C13orf42: variants seen among roughly 807,000 people sequenced by gnomAD.
The protein encoded by C13orf42 is uncharacterized protein C13orf42.
In C13orf42 at chr13:51,103,675, C is replaced by G. The variant is rs56055043; in HGVS notation, c.414+7121G>C. On this transcript the variant is annotated intron_variant, in intron 1 of 3. Transcript: ENST00000563710. ...AAGATCGCGCCACTGCATACCAGCG[C>G]GGGCCACAGTGCAAGACTCTGTCTC... Among the ~76,000 whole-genome samples the G allele has an allele frequency of 3.0e-3, 454 of 150,592 alleles. 6 individuals are homozygous for G. The highest frequency in any genetic ancestry group is 2.3e-3 in the Non-Finnish European group (158 of 67,860).
chr13:51,105,520 T>A (rs1953344233), intron 1 of C13orf42, among the ~76,000 whole-genome samples: 2 of 152,212 alleles, frequency 1.3e-5, no homozygotes, highest in Admixed American at 1.3e-4. Flanking sequence ...ATATGAGATA[T>A]TTTGAAATTC....
At position 51,085,557 on chromosome 13, in the gene C13orf42, C is replaced by T. The variant is rs542024637; in HGVS notation, c.565G>A (p.Ala189Thr). Residue 189 changes from alanine (A) to threonine (T), a missense_variant and splice_region_variant, in exon 3 of 4, where the codon GCC becomes ACC. Physicochemically the swap from Ala to Thr is moderately conservative, Grantham distance 58 (BLOSUM62 0). Transcript: ENST00000563710. ...LPNEDVDFDV[A>T]TSSREHSLHS... Reference sequence around the variant, plus strand: ...AAGCTGTGCTCCCTGGAGCTGGTGGCCACTAGAAGAGAAAAGCATGTGACC... The same window carrying T: ...AAGCTGTGCTCCCTGGAGCTGGTGGTCACTAGAAGAGAAAAGCATGTGACC... The T allele has an allele frequency of 4.8e-5, 19 of 398,836 alleles. No individual in the cohort carries two copies. The highest frequency in any genetic ancestry group is 3.7e-4 in the African/African-American group (18 of 48,744). The allele number at this position is 398,836 out of a possible 1,614,324, so 24.7% of individuals were successfully genotyped here.
chr13:51,119,149 T>C (rs1593541232), intron 1 of C13orf42, among the ~76,000 whole-genome samples: 1 of 151,494 alleles, frequency 6.6e-6, no homozygotes, highest in African/African-American at 2.4e-5. Flanking sequence ...ACAGTATGCC[T>C]GGGTGTACAG....
At chr13:51,102,832 T>C (rs9563021) in intron 1 of C13orf42, among the ~76,000 whole-genome samples, 101,237 of 152,064 alleles carry the variant, frequency 0.67, 35,389 homozygotes, top group African/African-American at 0.89. Flanking sequence ...ACAATCATGG[T>C]AGAAGATGAA....
chr13:51,093,235 C>A (rs1350406199), intron 1 of C13orf42, among the ~76,000 whole-genome samples: 1 of 152,154 alleles, frequency 6.6e-6, no homozygotes, highest in Non-Finnish European at 1.5e-5. Flanking sequence ...ATCTCTTGTT[C>A]CATAGACTTT....
intron 1 of C13orf42, among the ~76,000 whole-genome samples, chr13:51,153,038 C>A (rs533314483): frequency 2.0e-5 from 3 of 152,332 alleles, no homozygotes; most frequent in South Asian, 4.1e-4. Context: ...CCCAGCCCCA[C>A]ACACAGAAGG....
chr13:51,090,317 G>A (rs1163486381), intron 1 of C13orf42, among the ~76,000 whole-genome samples: 2 of 152,106 alleles, frequency 1.3e-5, no homozygotes, highest in African/African-American at 4.8e-5. Flanking sequence ...CATCCTCTAG[G>A]TTCCCATGGG....
At chr13:51,161,113 C>G (rs1438559448) in intron 1 of C13orf42, among the ~76,000 whole-genome samples, 1 of 82,224 alleles carries the variant, frequency 1.2e-5, no homozygotes, top group Non-Finnish European at 3.0e-5. Context: ...TTGCACCTAA[C>G]CCACATATAC....
intron 1 of C13orf42, among the ~76,000 whole-genome samples, chr13:51,123,383 T>C (rs1953551657): frequency 6.6e-6 from 1 of 152,224 alleles, no homozygotes; most frequent in African/African-American, 2.4e-5. Context: ...GAAGACAGCA[T>C]GGTGAATCAT....
At chr13:51,099,422 G>A (rs1246289634) in intron 1 of C13orf42, among the ~76,000 whole-genome samples, 2 of 152,148 alleles carry the variant, frequency 1.3e-5, no homozygotes, top group Non-Finnish European at 2.9e-5. Flanking sequence ...CAGTGAAATA[G>A]ACAACTGAGC....
upstream of C13orf42, among the ~76,000 whole-genome samples, chr13:51,113,782 C>A (rs948384905): frequency 6.6e-6 from 1 of 152,096 alleles, no homozygotes; most frequent in Non-Finnish European, 1.5e-5. Flanking sequence ...CCAAATCAGT[C>A]CCCCCAGGCT....
intron 1 of C13orf42, among the ~76,000 whole-genome samples, chr13:51,170,468 T>C (rs9316525): frequency 0.86 from 130,664 of 152,094 alleles, 56,497 homozygotes; most frequent in Non-Finnish European, 0.91. Flanking sequence ...ATCCGGTAAG[T>C]GGCCTCTTTT....
intron 1 of C13orf42, among the ~76,000 whole-genome samples, chr13:51,133,308 G>A (rs1431664042): frequency 6.6e-6 from 1 of 152,166 alleles, no homozygotes; most frequent in African/African-American, 2.4e-5. Flanking sequence ...TGGTTACCAA[G>A]AGCTGGGAGA....
intron 1 of C13orf42, among the ~76,000 whole-genome samples, chr13:51,159,267 C>T (rs747778997): frequency 9.2e-5 from 14 of 152,102 alleles, no homozygotes; most frequent in Admixed American, 2.0e-4. Flanking sequence ...TATTTTCTTC[C>T]CCGGAGGTTG....
At chr13:51,120,522 TA>T (rs1398697848) in intron 1 of C13orf42, among the ~76,000 whole-genome samples, 1 of 152,184 alleles carries the variant, frequency 6.6e-6, no homozygotes, top group African/African-American at 2.4e-5. Context: ...TTTATGATCA[TA>T]AAAAATGGTT....
At chr13:51,156,566 T>C (rs1953825502) in intron 1 of C13orf42, among the ~76,000 whole-genome samples, 1 of 152,198 alleles carries the variant, frequency 6.6e-6, no homozygotes. Context: ...AGACCAAGGT[T>C]AAAATCTTGC....
intron 1 of C13orf42, among the ~76,000 whole-genome samples, chr13:51,164,892 A>G (rs115487983): frequency 2.9e-3 from 444 of 152,328 alleles, no homozygotes; most frequent in African/African-American, 0.01. Flanking sequence ...GAGGGTCCAG[A>G]TAAGAGTTTG....
At chr13:51,090,141 G>A (rs369976741) in intron 1 of C13orf42, among the ~76,000 whole-genome samples, 11 of 152,192 alleles carry the variant, frequency 7.2e-5, no homozygotes, top group African/African-American at 2.6e-4. Context: ...GTGACAGAAG[G>A]CTCACACCTG....
rs1450948722 is a variant in C13orf42, at chr13:51,085,457, T to C, written c.665A>G (p.Asp222Gly). The C allele has an allele frequency of 5.0e-6, 2 of 398,484 alleles. No homozygotes were observed. Among genetic ancestry groups the C allele is most frequent in the Non-Finnish European group, 8.8e-6 (2 of 226,084 alleles). 24.7% of individuals were successfully genotyped at this position (398,484 alleles called of 1,614,324 possible). Residue 222 changes from aspartate to glycine, a missense_variant, in exon 3 of 4, where the codon GAC becomes GGC. By Grantham distance (94) the Asp-to-Gly change is moderately conservative. Transcript: ENST00000563710. ...CTCGGTGCTCCTTCGAAACTGGCCG[T>C]CTACAGTATGCACAGTGTGGGCAGC... Reference protein sequence around the residue: ...DIAAHTVHTVDGQFRRSTEHR... With the variant: ...DIAAHTVHTVGGQFRRSTEHR...
Sources: gnomAD v4.1 joint callset for allele counts (sites outside exome capture counted in the v4.1 genomes callset) on GRCh38, gnomAD v4.1.1 for gene constraint, MANE v1.5 for transcripts, NCBI Gene and HGNC (gene_info 2026-07-23, HGNC 2026-07-21) for gene names.